GABRG3: variants seen among roughly 807,000 people sequenced by gnomAD.
GABRG3 encodes gamma-aminobutyric acid receptor subunit gamma-3.
A neutral mutation model predicts 48.8 loss-of-function variants in GABRG3; 25 were observed. That is an observed-to-expected ratio of 0.51 (90% CI 0.37 to 0.72). The LOEUF is 0.72. Ranked by LOEUF, GABRG3 falls within the 30% of genes least tolerant of loss-of-function variation. The probability of loss-of-function intolerance (pLI) is 0.00; values close to 1 mark genes in which losing one functional copy is unlikely to be tolerated. For synonymous variants in GABRG3, 227 were observed against 217.6 expected (o/e 1.04, Z -0.38); for missense variants, 394 against 577.9 (o/e 0.68, Z 3.26).
chr15:27,309,805 A>G (rs532539753), intron 3 of GABRG3, among the ~76,000 whole-genome samples: 18 of 152,130 alleles, frequency 1.2e-4, no homozygotes, highest in African/African-American at 3.1e-4. Context: ...CCAGTGGTCC[A>G]TTTCTGGATA....
intron 5 of GABRG3, among the ~76,000 whole-genome samples, chr15:27,453,813 G>T (rs1423385223): frequency 6.6e-6 from 1 of 152,164 alleles, no homozygotes; most frequent in African/African-American, 2.4e-5. Flanking sequence ...TGCTGCCCAG[G>T]CTGGTCTTCC....
intron 5 of GABRG3, among the ~76,000 whole-genome samples, chr15:27,380,948 G>A (rs1014812314): frequency 1.3e-5 from 2 of 151,886 alleles, no homozygotes; most frequent in Admixed American, 6.6e-5. Flanking sequence ...TATATTTTTA[G>A]TAGAGACGGG....
At chr15:27,234,975 C>A (rs1229617159) in intron 3 of GABRG3, among the ~76,000 whole-genome samples, 1 of 152,078 alleles carries the variant, frequency 6.6e-6, no homozygotes, top group Non-Finnish European at 1.5e-5. Context: ...TGGTCTGGTC[C>A]ACTCTCCAAA....
intron 3 of GABRG3, among the ~76,000 whole-genome samples, chr15:27,174,421 G>A (rs1887673215): frequency 6.6e-6 from 1 of 151,982 alleles, no homozygotes; most frequent in South Asian, 2.1e-4. Context: ...GAATCCTTTG[G>A]TACAAAGCAG....
chr15:27,275,070 G>A (rs529467829), intron 3 of GABRG3, among the ~76,000 whole-genome samples: 12 of 152,256 alleles, frequency 7.9e-5, no homozygotes, highest in African/African-American at 2.2e-4. Flanking sequence ...GAGCCACAGC[G>A]TGCTGCCTGA....
intron 3 of GABRG3, among the ~76,000 whole-genome samples, chr15:27,137,859 T>C (rs1458708101): frequency 6.6e-6 from 1 of 152,196 alleles, no homozygotes; most frequent in Non-Finnish European, 1.5e-5. Context: ...ACTTTTATTT[T>C]TGTTTAAGGT....
intron 3 of GABRG3, among the ~76,000 whole-genome samples, chr15:27,109,140 C>T (rs1038307952): frequency 4.6e-5 from 7 of 152,110 alleles, no homozygotes; most frequent in African/African-American, 1.2e-4. Flanking sequence ...CATATACTTA[C>T]CCCACAGTCT....
chr15:27,307,228 T>C lies in GABRG3; in HGVS notation c.271-19581T>C, dbSNP rs190815309. ...AAACATGTTTATATATAACCATGTT[T>C]ATATTATATGTTTATATATAACCAT... On this transcript the variant is annotated intron_variant, in intron 3 of 9. Transcript: ENST00000615808. Among the ~76,000 whole-genome samples the C allele has an allele frequency of 8.3e-3, 1,055 of 127,404 alleles. 17 individuals carry two copies. The highest frequency in any genetic ancestry group is 0.023 in the African/African-American group (873 of 37,932). 83.6% of individuals were successfully genotyped at this position (127,404 alleles called of 152,430 possible).
chr15:27,240,831 C>T (rs1890109190), intron 3 of GABRG3, among the ~76,000 whole-genome samples: 1 of 152,176 alleles, frequency 6.6e-6, no homozygotes, highest in Non-Finnish European at 1.5e-5. Flanking sequence ...CTTAACTGAA[C>T]GTGATCAGTT....
intron 3 of GABRG3, among the ~76,000 whole-genome samples, chr15:27,304,833 A>G (rs892660108): frequency 1.3e-5 from 2 of 151,998 alleles, no homozygotes; most frequent in Non-Finnish European, 2.9e-5. Context: ...TTTAGGGACT[A>G]TTATTCTGTC....
At chr15:27,241,791 C>A (rs1334097966) in intron 3 of GABRG3, among the ~76,000 whole-genome samples, 1 of 152,192 alleles carries the variant, frequency 6.6e-6, no homozygotes, top group Non-Finnish European at 1.5e-5. Flanking sequence ...CACGCTATGT[C>A]TCTTTCACTG....
At chr15:27,078,805 G>T (rs1896949287) in intron 3 of GABRG3, among the ~76,000 whole-genome samples, 1 of 152,248 alleles carries the variant, frequency 6.6e-6, no homozygotes, top group South Asian at 2.1e-4. Context: ...TGGGTTGGAT[G>T]CTGTCCCCCT....
At chr15:27,276,370 G>T (rs1595631255) in intron 3 of GABRG3, among the ~76,000 whole-genome samples, 1 of 152,304 alleles carries the variant, frequency 6.6e-6, no homozygotes, top group African/African-American at 2.4e-5. Context: ...AAATGTGGTG[G>T]TTTAGTTTCC....
At chr15:27,479,604 A>G (rs1005767491) in intron 5 of GABRG3, among the ~76,000 whole-genome samples, 1 of 152,254 alleles carries the variant, frequency 6.6e-6, no homozygotes, top group Admixed American at 6.5e-5. Context: ...ATATGTTTGC[A>G]TACATATGTG....
intron 6 of GABRG3, among the ~76,000 whole-genome samples, chr15:27,485,084 A>T (rs976299473): frequency 2.6e-5 from 4 of 152,178 alleles, no homozygotes; most frequent in Non-Finnish European, 4.4e-5. Flanking sequence ...AAGGAAGGAC[A>T]TGTATAGGGG....
intron 3 of GABRG3, among the ~76,000 whole-genome samples, chr15:27,266,277 G>A (rs1023852910): frequency 2.0e-5 from 2 of 102,518 alleles, no homozygotes; most frequent in Non-Finnish European, 2.4e-5. Context: ...AGTATGGATT[G>A]GAATTCTTTT....
chr15:27,132,262 T>A (rs1226003122), intron 3 of GABRG3, among the ~76,000 whole-genome samples: 1 of 152,062 alleles, frequency 6.6e-6, no homozygotes, highest in Non-Finnish European at 1.5e-5. Context: ...GTTTCATAGT[T>A]TCAGGTCTTA....
At chr15:27,346,138 AAAG>A (rs1894366813) in intron 5 of GABRG3, among the ~76,000 whole-genome samples, 1 of 151,806 alleles carries the variant, frequency 6.6e-6, no homozygotes, top group African/African-American at 2.4e-5. Context: ...GAAAGAAAGA[AAAG>A]AAAGAAGGAA....
At chr15:27,163,302 C>T (rs369218365) in intron 3 of GABRG3, among the ~76,000 whole-genome samples, 12 of 152,098 alleles carry the variant, frequency 7.9e-5, no homozygotes, top group African/African-American at 2.9e-4. Flanking sequence ...GACTTGTGTT[C>T]AGCCTGGGCA....
Sources: gnomAD v4.1 joint callset for allele counts (sites outside exome capture counted in the v4.1 genomes callset) on GRCh38, gnomAD v4.1.1 for gene constraint, MANE v1.5 for transcripts, NCBI Gene and HGNC (gene_info 2026-07-23, HGNC 2026-07-21) for gene names.